DOCK2: variants seen among roughly 807,000 people sequenced by gnomAD.
DOCK2 encodes the protein dedicator of cytokinesis 2.
In DOCK2, 87 loss-of-function variants were observed where a neutral mutation model predicts 248.9. That is an observed-to-expected ratio of 0.35 (90% confidence interval 0.29 to 0.42). The LOEUF (loss-of-function observed/expected upper bound fraction) is 0.42. DOCK2 is among the 10% of genes least tolerant of loss of function. DOCK2 has a pLI of 1.00. For synonymous variants in DOCK2, 805 were observed against 821.6 expected (o/e 0.98, Z 0.35); for missense variants, 1,747 against 2,300.2 (o/e 0.76, Z 4.92).
intron 27 of DOCK2, among the ~76,000 whole-genome samples, chr5:169,959,010 A>G (rs1776973430): frequency 6.6e-6 from 1 of 152,174 alleles, no homozygotes; most frequent in African/African-American, 2.4e-5. Flanking sequence ...CTAACTTATA[A>G]AGTATTTAAG....
chr5:169,845,983 G>A (rs1406653755), intron 27 of DOCK2, among the ~76,000 whole-genome samples: 3 of 152,096 alleles, frequency 2.0e-5, no homozygotes, highest in African/African-American at 7.2e-5. Flanking sequence ...GTTACTCAGG[G>A]GTCAAGGGTC....
rs376932248 is a variant in DOCK2 at position 169,764,532 on chromosome 5, G to A, written c.2554+2907G>A. On this transcript the variant is annotated intron_variant, in intron 25 of 51. Transcript: ENST00000520908. The surrounding 1 kb of genome is among the most constrained non-coding windows in gnomAD (Gnocchi z 4.3). ...GGAAAGTGGGAATAAGAACAATAAC[G>A]TCTGTCTTAGAGGGTGATAGTGTGG... 1.1e-4 allele frequency among the ~76,000 whole-genome samples: 16 copies of A among 152,152 alleles called. No individual in the cohort carries two copies. The highest frequency in any genetic ancestry group is 2.1e-4 in the Non-Finnish European group (14 of 68,012).
At chr5:170,020,755 A>G (rs1257954206) in intron 33 of DOCK2, among the ~76,000 whole-genome samples, 1 of 152,190 alleles carries the variant, frequency 6.6e-6, no homozygotes, top group Non-Finnish European at 1.5e-5. Context: ...TCCCAGTAAT[A>G]CTGGCTGATT....
intron 41 of DOCK2, among the ~76,000 whole-genome samples, chr5:170,054,992 T>A (rs763868118): frequency 6.6e-6 from 1 of 152,172 alleles, no homozygotes; most frequent in African/African-American, 2.4e-5. Context: ...TGCAATTGAT[T>A]TGAGAGCTAT....
chr5:169,909,487 C>T (rs1774473759), intron 27 of DOCK2, among the ~76,000 whole-genome samples: 1 of 152,208 alleles, frequency 6.6e-6, no homozygotes. Flanking sequence ...TTTGGATTCA[C>T]ACTCCATCAG....
At chr5:169,791,754 A>G (rs1377797666) in intron 25 of DOCK2, among the ~76,000 whole-genome samples, 1 of 152,198 alleles carries the variant, frequency 6.6e-6, no homozygotes, top group Non-Finnish European at 1.5e-5. Context: ...TCTCATCTGT[A>G]AAATGGGGAC....
Position 169,916,489 on chromosome 5 carries a change from C to T in DOCK2, c.2800-66579C>T, listed in dbSNP as rs556406729. On this transcript the variant is annotated intron_variant, in intron 27 of 51. Coordinates refer to ENST00000520908, the MANE Select transcript of DOCK2 (RefSeq NM_004946.3). The stretch of plus-strand genomic sequence containing the variant: ...ATAGCAAAGTGATGAAGGGGATGGA[C>T]GCTAGAATTGGAACCATGGCTCTGC... 1.8e-4 allele frequency among the ~76,000 whole-genome samples: 27 copies of T among 152,314 alleles called. No homozygotes were observed. In the South Asian group the frequency reaches 4.6e-3, roughly 26 times the overall value.
intron 22 of DOCK2, among the ~76,000 whole-genome samples, chr5:169,724,926 C>G (rs1307984765): frequency 1.3e-5 from 2 of 152,206 alleles, no homozygotes; most frequent in African/African-American, 4.8e-5. Context: ...AAGCTCAGGG[C>G]AAGTCAGTGT....
intron 22 of DOCK2, among the ~76,000 whole-genome samples, chr5:169,722,985 G>A (rs1762288530): frequency 6.6e-6 from 1 of 152,206 alleles, no homozygotes; most frequent in Admixed American, 6.5e-5. Flanking sequence ...CTCACTGGGT[G>A]GTCCTGATTC....
chr5:169,670,932 T>C lies in DOCK2; in HGVS notation c.225-146T>C, dbSNP rs533613647. On this transcript the variant is annotated intron_variant, in intron 4 of 51. Coordinates refer to ENST00000520908, the MANE Select transcript of DOCK2 (RefSeq NM_004946.3). Reference sequence around the variant, plus strand: ...AAGCAAGTCCCTTGTATTTGCATAATGTAGTTGGTGTGGCTATTGGAGGTG... The same window carrying C: ...AAGCAAGTCCCTTGTATTTGCATAACGTAGTTGGTGTGGCTATTGGAGGTG... 530 of 654,768 alleles carry C rather than the reference T, an allele frequency of 8.1e-4. 14 individuals are homozygous for C. In the South Asian group the frequency reaches 9.9e-3, roughly 12 times the overall value. The allele number at this position is 654,768 out of a possible 1,614,324, so 40.6% of individuals were successfully genotyped here.
intron 33 of DOCK2, among the ~76,000 whole-genome samples, chr5:170,019,540 A>T (rs948637346): frequency 5.3e-5 from 8 of 152,154 alleles, no homozygotes; most frequent in Non-Finnish European, 8.8e-5. Context: ...CCACACACCA[A>T]ATCTGATAGC....
chr5:170,018,891 G>T, intron 32 of DOCK2, 69 bp from the exon 33 acceptor site: 3 of 1,558,694 alleles, frequency 1.9e-6, no homozygotes, highest in Admixed American at 3.9e-5. Flanking sequence ...TCTTTCCCCA[G>T]GCTTGGTCGG....
At chr5:169,950,814 C>T (rs761573366) in intron 27 of DOCK2, among the ~76,000 whole-genome samples, 1 of 152,198 alleles carries the variant, frequency 6.6e-6, no homozygotes, top group Non-Finnish European at 1.5e-5. Context: ...GCTTCAGCAG[C>T]CTCCTCTCAC....
At chr5:170,043,920 T>C (rs141602466) in intron 38 of DOCK2, among the ~76,000 whole-genome samples, 1 of 152,342 alleles carries the variant, frequency 6.6e-6, no homozygotes, top group East Asian at 1.9e-4. Flanking sequence ...GACATGCCAA[T>C]AATAATATTT....
intron 27 of DOCK2, among the ~76,000 whole-genome samples, chr5:169,918,881 G>A (rs1775023177): frequency 6.6e-6 from 1 of 152,170 alleles, no homozygotes; most frequent in Non-Finnish European, 1.5e-5. Flanking sequence ...CTGCATTCCA[G>A]CCCGGACGAC....
At chr5:169,936,242 C>T (rs914217058) in intron 27 of DOCK2, among the ~76,000 whole-genome samples, 6 of 152,154 alleles carry the variant, frequency 3.9e-5, no homozygotes, top group Admixed American at 1.3e-4. Context: ...ATAACACTTC[C>T]GTGCATGGTT....
chr5:170,044,359 T>A (rs146095563), intron 38 of DOCK2, among the ~76,000 whole-genome samples: 66 of 152,286 alleles, frequency 4.3e-4, no homozygotes, highest in African/African-American at 1.4e-3. Context: ...TAGTAATGAA[T>A]GTGTAAGACT....
chr5:169,810,597 T>G (rs901505033), intron 26 of DOCK2, among the ~76,000 whole-genome samples: 3 of 151,942 alleles, frequency 2.0e-5, no homozygotes, highest in Non-Finnish European at 4.4e-5. Context: ...TTACTTTCCT[T>G]GTAAGAGTTA....
chr5:169,688,605 T>C (rs1259877005), intron 8 of DOCK2, among the ~76,000 whole-genome samples: 1 of 152,228 alleles, frequency 6.6e-6, no homozygotes, highest in Non-Finnish European at 1.5e-5. Context: ...TTGAGCATCA[T>C]GTTGACACTT....
Sources: allele counts gnomAD v4.1 joint callset (sites outside exome capture counted in the v4.1 genomes callset), GRCh38; gene constraint gnomAD v4.1.1; non-coding constraint Gnocchi (gnomAD v3.1); transcripts MANE v1.5; gene names NCBI Gene and HGNC (gene_info 2026-07-23, HGNC 2026-07-21).